The following DLGAP1 variants were observed in gnomAD, a reference collection of about 807,000 sequenced individuals.
DLGAP1 encodes the protein disks large-associated protein 1.
A neutral mutation model predicts 90.8 loss-of-function variants in DLGAP1; 11 were observed. The observed-to-expected ratio is 0.12, with a 90% CI of 0.08 to 0.20. The LOEUF (loss-of-function observed/expected upper bound fraction) is 0.20. DLGAP1 is among the 10% of genes least tolerant of loss of function. The pLI, the probability that DLGAP1 is intolerant of heterozygous loss-of-function variation, is 1.00. For synonymous variants in DLGAP1, 558 were observed against 540.7 expected, an observed-to-expected ratio of 1.03 and a Z score of -0.44; for missense variants, 1,050 against 1,333.8, an observed-to-expected ratio of 0.79 and a Z score of 3.31.
intron 1 of DLGAP1, among the ~76,000 whole-genome samples, chr18:4,406,783 G>T (rs1267991955): frequency 1.3e-5 from 2 of 152,180 alleles, no homozygotes; most frequent in Admixed American, 6.5e-5. Flanking sequence ...GGGACTAATT[G>T]ATCTTGAAAT....
chr18:4,148,995 T>G (rs942757098), intron 2 of DLGAP1, among the ~76,000 whole-genome samples: 4 of 152,192 alleles, frequency 2.6e-5, no homozygotes, highest in Non-Finnish European at 4.4e-5. Flanking sequence ...TCATCTAACA[T>G]TATGCCCAGA....
Position 4,347,418 on chromosome 18 carries a change from T to C in DLGAP1, c.-267+107588A>G, listed in dbSNP as rs144210459. On this transcript the variant is annotated intron_variant, in intron 1 of 12. Transcript: ENST00000315677. ...AAGAAAATAAATCTATAGACCTATA[T>C]TGTCCATGAATATCAATGCAAAAGT... Among the ~76,000 whole-genome samples the C allele has an allele frequency of 7.0e-4, 106 of 152,186 alleles. 1 individual carries two copies. The East Asian group carries it at 0.017, about 25-fold the overall frequency.
intron 7 of DLGAP1, among the ~76,000 whole-genome samples, chr18:3,659,331 T>C (rs1307919232): frequency 1.6e-4 from 25 of 151,610 alleles, no homozygotes; most frequent in Non-Finnish European, 2.9e-5. Flanking sequence ...ATAGACATTA[T>C]CTGGTGTGTG....
intron 1 of DLGAP1, among the ~76,000 whole-genome samples, chr18:4,290,389 T>C (rs778062938): frequency 6.6e-6 from 1 of 152,186 alleles, no homozygotes; most frequent in Non-Finnish European, 1.5e-5. Flanking sequence ...CTAATGTTAG[T>C]TGAGATAATC....
At chr18:4,416,947 C>T (rs918478268) in intron 1 of DLGAP1, among the ~76,000 whole-genome samples, 1 of 152,082 alleles carries the variant, frequency 6.6e-6, no homozygotes, top group African/African-American at 2.4e-5. Flanking sequence ...CACTCTGGGG[C>T]TTGATATATA....
At chr18:3,806,990 T>G (rs1326588936) in intron 5 of DLGAP1, among the ~76,000 whole-genome samples, 1 of 152,188 alleles carries the variant, frequency 6.6e-6, no homozygotes, top group Non-Finnish European at 1.5e-5. Context: ...CCCAGGCTCC[T>G]AAGAGTCCGT....
At chr18:3,702,724 A>T (rs1247120059) in intron 7 of DLGAP1, among the ~76,000 whole-genome samples, 2 of 152,206 alleles carry the variant, frequency 1.3e-5, no homozygotes, top group African/African-American at 4.8e-5. Context: ...GAGGGCTCAG[A>T]TCTGGAAGGA....
At chr18:4,074,530 C>A (rs2075495779) in intron 2 of DLGAP1, among the ~76,000 whole-genome samples, 1 of 152,076 alleles carries the variant, frequency 6.6e-6, no homozygotes, top group Admixed American at 6.6e-5. Flanking sequence ...GAAGGCAAAT[C>A]AATTGCCAAA....
At chr18:4,401,230 C>T (rs902224537) in intron 1 of DLGAP1, among the ~76,000 whole-genome samples, 3 of 152,184 alleles carry the variant, frequency 2.0e-5, no homozygotes, top group Non-Finnish European at 4.4e-5. Flanking sequence ...ACTCCTTTGT[C>T]AAAACGGGTT....
chr18:3,924,039 A>G (rs2072325669), intron 3 of DLGAP1, among the ~76,000 whole-genome samples: 2 of 152,330 alleles, frequency 1.3e-5, no homozygotes, highest in African/African-American at 4.8e-5. Context: ...ATGTAGAGAC[A>G]TGGAACCTTC....
chr18:3,916,937 C>T lies in DLGAP1; in HGVS notation c.-72-36797G>A, dbSNP rs1181258271. Among the ~76,000 whole-genome samples the T allele has an allele frequency of 9.2e-5, 14 of 152,276 alleles. No homozygotes were observed. The South Asian group carries it at 1.0e-3, about 11-fold the overall frequency. On this transcript the variant is annotated intron_variant, in intron 3 of 12. Transcript: ENST00000315677. ...TTGGTGTAGGATTTTTTTGACTTTA[C>T]GATGGTGCAAAAGCAATACACATTT...
chr18:3,552,553 C>T (rs913272606), intron 9 of DLGAP1, among the ~76,000 whole-genome samples: 2 of 152,276 alleles, frequency 1.3e-5, no homozygotes, highest in East Asian at 3.9e-4. Flanking sequence ...CTGTCGGGAC[C>T]CTGGGGGCTG....
At chr18:4,289,924 C>G (rs1292911090) in intron 1 of DLGAP1, among the ~76,000 whole-genome samples, 1 of 152,152 alleles carries the variant, frequency 6.6e-6, no homozygotes, top group Non-Finnish European at 1.5e-5. Flanking sequence ...GAGAATTTTT[C>G]TGTCTCCTTT....
intron 7 of DLGAP1, among the ~76,000 whole-genome samples, chr18:3,592,843 CAAAAAAAAAAA>C (rs56871583): frequency 9.4e-5 from 4 of 42,582 alleles, no homozygotes; most frequent in Non-Finnish European, 1.5e-4. Flanking sequence ...GACCCTGCCT[CAAAAAAAAAAA>C]AAAAAAAAAA....
At chr18:4,033,092 A>G (rs1324489591) in intron 2 of DLGAP1, among the ~76,000 whole-genome samples, 1 of 152,214 alleles carries the variant, frequency 6.6e-6, no homozygotes, top group Non-Finnish European at 1.5e-5. Context: ...ATTGGAAGGT[A>G]CAAGAATAAT....
At chr18:4,443,758 A>G (rs1200780601) in intron 1 of DLGAP1, among the ~76,000 whole-genome samples, 1 of 152,236 alleles carries the variant, frequency 6.6e-6, no homozygotes, top group Non-Finnish European at 1.5e-5. Flanking sequence ...ATATGCCAAT[A>G]TGGCTACCCA....
chr18:4,358,481 T>C (rs777553959), intron 1 of DLGAP1, among the ~76,000 whole-genome samples: 9 of 151,846 alleles, frequency 5.9e-5, no homozygotes, highest in African/African-American at 2.2e-4. Context: ...GCTTAGGGAG[T>C]GAGAGGAAGT....
chr18:3,901,088 C>T (rs942210909), intron 3 of DLGAP1, among the ~76,000 whole-genome samples: 2 of 152,090 alleles, frequency 1.3e-5, no homozygotes, highest in African/African-American at 4.8e-5. Flanking sequence ...CATCCCTACT[C>T]CCTTCTGCTG....
At chr18:4,060,166 A>G (rs1372219695) in intron 2 of DLGAP1, among the ~76,000 whole-genome samples, 1 of 152,246 alleles carries the variant, frequency 6.6e-6, no homozygotes, top group Non-Finnish European at 1.5e-5. Context: ...GCTGGCTTCC[A>G]AATCAGACAT....
Sources: gnomAD v4.1 joint callset for allele counts (sites outside exome capture counted in the v4.1 genomes callset) on GRCh38, gnomAD v4.1.1 for gene constraint, MANE v1.5 for transcripts, NCBI Gene and HGNC (gene_info 2026-07-23, HGNC 2026-07-21) for gene names.